Variants in KCNH5 observed in about 807,000 individuals in gnomAD.
KCNH5 encodes the protein potassium voltage-gated channel subfamily H member 5, also known as voltage-gated delayed rectifier potassium channel KCNH5.
Under a neutral mutation model 96.1 loss-of-function variants are expected in KCNH5, and 46 were observed. The ratio of observed to expected loss-of-function variants is 0.48; its 90% CI spans 0.38 to 0.61. The LOEUF is 0.61. KCNH5 is among the 20% of genes least tolerant of loss of function. The probability of loss-of-function intolerance (pLI) is 0.00; values close to 1 mark genes in which losing one functional copy is unlikely to be tolerated. For missense variants in KCNH5, 907 were observed against 1,225.8 expected, an observed-to-expected ratio of 0.74 and a Z score of 3.88; for synonymous variants, 439 against 449.8, an observed-to-expected ratio of 0.98 and a Z score of 0.30.
At chr14:62,959,206 G>C (rs546161380) in intron 6 of KCNH5, among the ~76,000 whole-genome samples, 3 of 152,068 alleles carry the variant, frequency 2.0e-5, no homozygotes, top group Non-Finnish European at 4.4e-5. Flanking sequence ...AACTCGGCTA[G>C]AGTAATTATT....
In KCNH5 at chr14:63,038,435, G is replaced by A. The variant is rs568614300; in HGVS notation, c.73+6679C>T. Among the ~76,000 whole-genome samples, 177 of 152,072 alleles carry A rather than the reference G, an allele frequency of 1.2e-3. 1 individual carries two copies. The highest frequency in any genetic ancestry group is 1.9e-3 in the Non-Finnish European group (126 of 67,954). On this transcript the variant is annotated intron_variant, in intron 1 of 10. Transcript: ENST00000322893. ...CACATAAGCTCAGATCTCAAATTGC[G>A]TATCTTTTGAGATCCATATGACTTT...
intron 8 of KCNH5, among the ~76,000 whole-genome samples, chr14:62,804,427 G>A (rs919805271): frequency 1.3e-5 from 2 of 152,104 alleles, no homozygotes; most frequent in Non-Finnish European, 2.9e-5. Context: ...CTTCCACAAT[G>A]GGTCACATCA....
At chr14:62,874,488 C>G (rs142741786) in intron 7 of KCNH5, among the ~76,000 whole-genome samples, 2,248 of 152,222 alleles carry the variant, frequency 0.015, 73 homozygotes, top group African/African-American at 0.051. Context: ...GAAAGCTTAT[C>G]CACCACGATC....
intron 10 of KCNH5, among the ~76,000 whole-genome samples, chr14:62,734,540 T>C (rs569370066): frequency 1.1e-4 from 16 of 152,252 alleles, no homozygotes; most frequent in African/African-American, 3.4e-4. Context: ...GAAAGCACCA[T>C]CATTTCTTTC....
At chr14:62,937,749 G>T (rs1225414751) in intron 7 of KCNH5, among the ~76,000 whole-genome samples, 1 of 152,188 alleles carries the variant, frequency 6.6e-6, no homozygotes, top group Admixed American at 6.5e-5. Context: ...TCCAGCCAGT[G>T]CTCAGCAACC....
intron 10 of KCNH5, among the ~76,000 whole-genome samples, chr14:62,759,649 TC>T (rs1885705311): frequency 6.6e-6 from 1 of 151,088 alleles, no homozygotes; most frequent in Admixed American, 6.6e-5. Flanking sequence ...ATTTTTACAG[TC>T]CTTTCTTTCT....
At chr14:62,830,276 A>G (rs1021243733) in intron 8 of KCNH5, among the ~76,000 whole-genome samples, 2 of 152,112 alleles carry the variant, frequency 1.3e-5, no homozygotes, top group African/African-American at 4.8e-5. Flanking sequence ...CCCTCCAACT[A>G]TTCCAACCTC....
intron 7 of KCNH5, among the ~76,000 whole-genome samples, chr14:62,874,380 G>A (rs1888325832): frequency 6.6e-6 from 1 of 152,050 alleles, no homozygotes; most frequent in Admixed American, 6.6e-5. Flanking sequence ...CAACATCACT[G>A]ATCATTAGAG....
At chr14:62,954,033 T>C (rs1890054636) in intron 6 of KCNH5, among the ~76,000 whole-genome samples, 1 of 152,220 alleles carries the variant, frequency 6.6e-6, no homozygotes, top group Non-Finnish European at 1.5e-5. Context: ...CTGCTCAGCA[T>C]CTCTCCTGCC....
intron 7 of KCNH5, among the ~76,000 whole-genome samples, chr14:62,858,762 T>C (rs1566684588): frequency 6.6e-6 from 1 of 152,122 alleles, no homozygotes; most frequent in Non-Finnish European, 1.5e-5. Context: ...GAATCTTGGC[T>C]ATGGGAGAAA....
At chr14:62,889,810 C>T (rs1888668962) in intron 7 of KCNH5, among the ~76,000 whole-genome samples, 1 of 152,134 alleles carries the variant, frequency 6.6e-6, no homozygotes, top group Non-Finnish European at 1.5e-5. Flanking sequence ...TGTATAACTA[C>T]ATAGGAGAGA....
At chr14:62,952,389 T>C (rs777251870) in intron 6 of KCNH5, among the ~76,000 whole-genome samples, 1 of 152,146 alleles carries the variant, frequency 6.6e-6, no homozygotes, top group South Asian at 2.1e-4. Flanking sequence ...AGTGCAGTCA[T>C]CAACAAGTAA....
intron 8 of KCNH5, among the ~76,000 whole-genome samples, chr14:62,809,081 G>A (rs1037721751): frequency 6.6e-6 from 1 of 152,070 alleles, no homozygotes; most frequent in Non-Finnish European, 1.5e-5. Flanking sequence ...AAACGTTGCT[G>A]AGCCTTTGTT....
chr14:62,947,202 TTAATC>T (rs1195733026), intron 7 of KCNH5, among the ~76,000 whole-genome samples: 1 of 152,216 alleles, frequency 6.6e-6, no homozygotes, highest in Non-Finnish European at 1.5e-5. Context: ...GTTTTCTTTT[TTAATC>T]TAACTATGCT....
At chr14:62,799,430 G>A (rs1022284882) in intron 9 of KCNH5, among the ~76,000 whole-genome samples, 16 of 151,088 alleles carry the variant, frequency 1.1e-4, no homozygotes, top group South Asian at 4.2e-4. Context: ...AAAATTAGCC[G>A]GGCGTGGTGG....
intron 7 of KCNH5, among the ~76,000 whole-genome samples, chr14:62,928,392 C>T (rs1440690155): frequency 2.0e-5 from 3 of 152,036 alleles, no homozygotes; most frequent in Non-Finnish European, 2.9e-5. Context: ...AAGATTATGA[C>T]TGACAATTAA....
At chr14:62,963,487 C>T (rs773665119) in intron 6 of KCNH5, among the ~76,000 whole-genome samples, 15 of 151,946 alleles carry the variant, frequency 9.9e-5, no homozygotes, top group Non-Finnish European at 1.5e-4. Flanking sequence ...CCAAGAAAGC[C>T]GATATTGCAA....
chr14:62,775,913 C>T (rs111294615), intron 10 of KCNH5, among the ~76,000 whole-genome samples: 10 of 152,282 alleles, frequency 6.6e-5, no homozygotes, highest in African/African-American at 2.4e-4. Context: ...TGTTGAAGCT[C>T]TTATCCCCAA....
intron 6 of KCNH5, among the ~76,000 whole-genome samples, chr14:62,955,858 A>T (rs563561276): frequency 6.6e-6 from 1 of 152,282 alleles, no homozygotes; most frequent in South Asian, 2.1e-4. Flanking sequence ...TTCATTGTTC[A>T]CATGAGGACA....
Sources: allele counts gnomAD v4.1 joint callset (sites outside exome capture counted in the v4.1 genomes callset), GRCh38; gene constraint gnomAD v4.1.1; transcripts MANE v1.5; gene names NCBI Gene and HGNC (gene_info 2026-07-23, HGNC 2026-07-21).